Variants in DST observed in about 807,000 individuals in gnomAD.
DST encodes bullous pemphigoid antigen.
DST carries 253 observed loss-of-function variants against 875.2 expected under a neutral mutation model. The observed-to-expected ratio is 0.29, with a 90% CI of 0.26 to 0.32. The LOEUF (loss-of-function observed/expected upper bound fraction) is 0.32, where lower values mean the gene tolerates loss of function less well. Ranked by LOEUF, DST falls within the 10% of genes least tolerant of loss-of-function variation. DST has a pLI of 1.00. For missense variants in DST, 8,287 were observed against 9,111.6 expected, an observed-to-expected ratio of 0.91 and a Z score of 3.68; for synonymous variants, 3,124 against 3,197.1, an observed-to-expected ratio of 0.98 and a Z score of 0.77.
rs975046875 is a variant in DST, at chr6:56,651,900, C to T, written c.1215-656G>A. On this transcript the variant is annotated intron_variant, in intron 10 of 103. Transcript: ENST00000680361. ...TATGTTGTTTCTCCCAAACCGTCAACTCCAAGATAGCAAGTACTATGTATT... is the reference window on the plus strand; with the variant it reads ...TATGTTGTTTCTCCCAAACCGTCAATTCCAAGATAGCAAGTACTATGTATT... Among the ~76,000 whole-genome samples, 4 of 152,184 alleles carry T rather than the reference C, an allele frequency of 2.6e-5. No homozygotes were observed. The East Asian group carries it at 7.7e-4, about 29-fold the overall frequency.
chr6:56,856,783 C>T (rs2127585934), intron 3 of DST, among the ~76,000 whole-genome samples: 1 of 152,212 alleles, frequency 6.6e-6, no homozygotes, highest in Admixed American at 6.5e-5. Context: ...TGTTAGTTTT[C>T]TAAGGTGCAA....
chr6:56,682,812 G>A (rs923675259), intron 9 of DST, among the ~76,000 whole-genome samples: 2 of 152,170 alleles, frequency 1.3e-5, no homozygotes, highest in African/African-American at 4.8e-5. Flanking sequence ...CAGGCAATGT[G>A]AGCCACAGTC....
chr6:56,588,867 A>G (rs932437379), intron 49 of DST, among the ~76,000 whole-genome samples: 30 of 152,208 alleles, frequency 2.0e-4, no homozygotes, highest in African/African-American at 7.2e-4. Flanking sequence ...CAAGATGCCA[A>G]AGAATCCTCA....
chr6:56,938,082 T>TTCTCTCTCTCTCTCTCTCTC (rs144019912), intron 2 of DST, among the ~76,000 whole-genome samples: 1 of 131,702 alleles, frequency 7.6e-6, no homozygotes, highest in African/African-American at 3.3e-5. Context: ...CTCTCTCTCT[T>TTCTCTCTCTCTCTCTCTCTC]TCTCTCTCTC....
intron 10 of DST, among the ~76,000 whole-genome samples, chr6:56,666,247 G>C (rs2099071636): frequency 6.6e-6 from 1 of 151,832 alleles, no homozygotes; most frequent in South Asian, 2.1e-4. Context: ...AAATGTGCTG[G>C]ACAATCCAAA....
intron 2 of DST, among the ~76,000 whole-genome samples, chr6:56,936,646 T>C (rs1481717338): frequency 6.6e-6 from 1 of 152,140 alleles, no homozygotes; most frequent in East Asian, 1.9e-4. Context: ...TTATCTTCCT[T>C]CCTGGATGCA....
In DST at chr6:56,608,473, T is replaced by G. The variant is rs758415813; in HGVS notation, c.6155A>C (p.Asp2052Ala). 28 of 1,613,606 alleles carry G rather than the reference T, an allele frequency of 1.7e-5. No individual in the cohort carries two copies. The highest frequency in any genetic ancestry group is 6.7e-5 in the Admixed American group (4 of 59,924). Residue 2052 changes from aspartate to alanine, a missense_variant, in exon 40 of 104, where the codon GAT becomes GCT. Asp to Ala is a moderately radical substitution (Grantham distance 126). Transcript: ENST00000680361. ...RLTVDEAVQC[D>A]LITSSSALLV... ...AAGAGCACTGCTGGAAGTTATTAAA[T>G]CACACTGTACTGCTTCGTCTACAGT...
rs1481110235 is a variant in DST, at chr6:56,565,408, C to T, written c.14005+3061G>A. On this transcript the variant is annotated intron_variant, in intron 55 of 103. Coordinates refer to ENST00000680361, the MANE Select transcript of DST (RefSeq NM_001374736.1). ...TGCTGGGATTACAGGCATCAGCCACCACGCCCGGCTAAGAGTCCCTCTTTT... is the reference window on the plus strand; with the variant it reads ...TGCTGGGATTACAGGCATCAGCCACTACGCCCGGCTAAGAGTCCCTCTTTT... Among the ~76,000 whole-genome samples the T allele has an allele frequency of 2.0e-5, 3 of 152,156 alleles. No homozygotes were observed. In the East Asian group the frequency reaches 5.8e-4, roughly 29 times the overall value.
At chr6:56,548,497 T>C (rs1420044699) in intron 61 of DST, among the ~76,000 whole-genome samples, 4 of 152,250 alleles carry the variant, frequency 2.6e-5, no homozygotes, top group African/African-American at 9.6e-5. Flanking sequence ...ATACAGTCAG[T>C]TACATATGTC....
chr6:56,585,290 CAG>C (rs1317267128), intron 49 of DST, among the ~76,000 whole-genome samples: 1 of 152,066 alleles, frequency 6.6e-6, no homozygotes, highest in Non-Finnish European at 1.5e-5. Flanking sequence ...TTGGTCTATT[CAG>C]AGATTCAACT....
In DST at chr6:56,552,215, T is replaced by C. The variant is rs2097337647; in HGVS notation, c.16577A>G (p.Glu5526Gly). The C allele has an allele frequency of 6.2e-7, 1 of 1,613,166 alleles. No homozygotes were observed. Residue 5526 changes from glutamate to glycine, a missense_variant, in exon 61 of 104, where the codon GAG becomes GGG. This residue lies in a region of DST where 777 missense variants were observed against 764.8 expected (regional missense o/e 1.02). Coordinates refer to ENST00000680361, the MANE Select transcript of DST (RefSeq NM_001374736.1). ...CATGTTAAGCTGCTGATTAATTGTC[T>C]CCGTTTCCATACCAACAGGACCTTG... is the stretch of plus-strand genomic sequence containing the variant. ...ESQGPVGMET[E>G]TINQQLNMFK...
chr6:56,523,615 G>T (rs2096745356), intron 69 of DST, among the ~76,000 whole-genome samples: 1 of 152,094 alleles, frequency 6.6e-6, no homozygotes, highest in Non-Finnish European at 1.5e-5. Context: ...CATTATAAAA[G>T]AGGTATATCT....
chr6:56,879,152 T>C (rs1780833261), intron 3 of DST, among the ~76,000 whole-genome samples: 1 of 152,172 alleles, frequency 6.6e-6, no homozygotes, highest in Non-Finnish European at 1.5e-5. Context: ...CTTTCAACTT[T>C]CTACGTATCT....
intron 9 of DST, among the ~76,000 whole-genome samples, chr6:56,680,539 T>C (rs950612787): frequency 6.6e-6 from 1 of 152,210 alleles, no homozygotes; most frequent in Non-Finnish European, 1.5e-5. Flanking sequence ...CATCCTTCCA[T>C]TTTCTAATCC....
At chr6:56,853,750 A>G (rs556493973) in intron 3 of DST, among the ~76,000 whole-genome samples, 49 of 152,192 alleles carry the variant, frequency 3.2e-4, no homozygotes, top group Non-Finnish European at 6.5e-4. Flanking sequence ...CATAAACACC[A>G]TTAATCACTC....
chr6:56,600,232 G>GA lies in DST; in HGVS notation c.11542-12dup, dbSNP rs778169637. 6.2e-7 allele frequency: 1 copy of GA among 1,608,016 alleles called. No homozygotes were observed. The highest frequency in any genetic ancestry group is 1.1e-5 in the South Asian group (1 of 89,814). ...ACGCTCTGCTACAATCTAAAGTGAAGAAAACCCAAAACATCTTAAATGTAT... is the reference window on the plus strand; with the variant it reads ...ACGCTCTGCTACAATCTAAAGTGAAGAAAAACCCAAAACATCTTAAATGTAT... On this transcript the variant is annotated splice_polypyrimidine_tract_variant and intron_variant, in intron 44 of 103. Coordinates refer to ENST00000680361, the MANE Select transcript of DST (RefSeq NM_001374736.1).
chr6:56,655,983 T>A (rs576666005), intron 10 of DST, among the ~76,000 whole-genome samples: 1 of 152,350 alleles, frequency 6.6e-6, no homozygotes, highest in Non-Finnish European at 1.5e-5. Flanking sequence ...GCTTAAAACA[T>A]TAACTTTTGA....
intron 4 of DST, among the ~76,000 whole-genome samples, chr6:56,745,931 G>T (rs2099571038): frequency 6.6e-6 from 1 of 152,164 alleles, no homozygotes; most frequent in Non-Finnish European, 1.5e-5. Flanking sequence ...AGAGAAATAG[G>T]TAGTCCCAAG....
At position 56,642,465 on chromosome 6, in the gene DST, C is replaced by T; in HGVS notation, c.1817G>A (p.Arg606Lys). 6.2e-7 allele frequency: 1 copy of T among 1,613,772 alleles called. No homozygotes were observed. ...TTTGTCTTCACAGATGACACTGTCC[C>T]TCTGAACTCTGTTGGCAATCTGTTG... The part of the protein sequence containing the change: ...MLQQIANRVQ[R>K]DSVICEDKLI... Residue 606 changes from arginine to lysine, a missense_variant, in exon 16 of 104, where the codon AGG becomes AAG. Transcript: ENST00000680361.
Sources: gnomAD v4.1 joint callset for allele counts (sites outside exome capture counted in the v4.1 genomes callset) on GRCh38, gnomAD v4.1.1 for gene constraint, gnomAD v4.1.1 regional missense constraint, MANE v1.5 for transcripts, NCBI Gene and HGNC (gene_info 2026-07-23, HGNC 2026-07-21) for gene names.